ZFYVE28: variants seen among roughly 807,000 people sequenced by gnomAD.
ZFYVE28 encodes zinc finger FYVE-type containing 28.
ZFYVE28 carries 40 observed loss-of-function variants against 82.1 expected under a neutral mutation model. The ratio of observed to expected loss-of-function variants is 0.49; its 90% CI spans 0.38 to 0.63. The LOEUF is 0.63. Among genes scored for constraint, ZFYVE28 ranks in the 30% least tolerant of loss-of-function variants. The probability of loss-of-function intolerance (pLI) is 0.00; values close to 1 mark genes in which losing one functional copy is unlikely to be tolerated. For missense variants in ZFYVE28, 1,321 were observed against 1,242.1 expected, an observed-to-expected ratio of 1.06 and a Z score of -0.96; for synonymous variants, 612 against 546.1, an observed-to-expected ratio of 1.12 and a Z score of -1.68.
intron 1 of ZFYVE28, among the ~76,000 whole-genome samples, chr4:2,411,891 CACAGGCCATGGG>C (rs913009594): frequency 6.6e-6 from 1 of 152,210 alleles, no homozygotes; most frequent in African/African-American, 2.4e-5. Context: ...AAATGGGGGG[CACAGGCCATGGG>C]AGGACAGCAT....
Position 2,350,458 on chromosome 4 carries a change from C to T in ZFYVE28, c.180+3475G>A, listed in dbSNP as rs367851215. ...CAGCCTGGGCGACAGAGCGAGACTC[C>T]GTCTCAAAAAAAAAAAAAGAAAGAA... On this transcript the variant is annotated intron_variant, in intron 2 of 12. Transcript: ENST00000290974. 2.8e-4 allele frequency among the ~76,000 whole-genome samples: 42 copies of T among 150,254 alleles called. 1 individual carries two copies. The East Asian group carries it at 4.3e-3, about 15-fold the overall frequency.
In ZFYVE28 at chr4:2,284,227, T is replaced by C. The variant is rs189485662; in HGVS notation, c.2052-10011A>G. ...CAGCCTGCAAATGAGTGTTCAGAAA[T>C]GAGACCATTTCCCACCGTGATAAAG... On this transcript the variant is annotated intron_variant, in intron 8 of 12. Transcript: ENST00000290974. Among the ~76,000 whole-genome samples the C allele has an allele frequency of 3.2e-3, 487 of 152,130 alleles. 5 individuals are homozygous for C. Among genetic ancestry groups the C allele is most frequent in the African/African-American group, 0.011 (463 of 41,492 alleles).
At chr4:2,355,257 T>A (rs1725119554) in intron 1 of ZFYVE28, among the ~76,000 whole-genome samples, 1 of 41,376 alleles carries the variant, frequency 2.4e-5, no homozygotes, top group African/African-American at 8.6e-5. Flanking sequence ...TATATATATA[T>A]ATATATATAT....
chr4:2,319,711 C>G (rs1372359007), intron 7 of ZFYVE28, among the ~76,000 whole-genome samples: 1 of 151,664 alleles, frequency 6.6e-6, no homozygotes, highest in African/African-American at 2.4e-5. Context: ...AAGGGGGTCT[C>G]CCATGTGGAC....
intron 2 of ZFYVE28, among the ~76,000 whole-genome samples, chr4:2,346,656 G>A (rs1403863165): frequency 6.6e-6 from 1 of 152,116 alleles, no homozygotes; most frequent in East Asian, 1.9e-4. Context: ...TATACTCTAT[G>A]TGAAATTGTA....
At position 2,332,744 on chromosome 4, in the gene ZFYVE28, C is replaced by T. The variant is rs756840644; in HGVS notation, c.701+2961G>A. Among the ~76,000 whole-genome samples, 1 of 152,134 alleles carries T rather than the reference C, an allele frequency of 6.6e-6. No homozygotes were observed. The highest frequency in any genetic ancestry group is 1.5e-5 in the Non-Finnish European group (1 of 68,010). On this transcript the variant is annotated intron_variant, in intron 6 of 12. Coordinates refer to ENST00000290974, the MANE Select transcript of ZFYVE28 (RefSeq NM_020972.3). The surrounding 1 kb of genome is among the most constrained non-coding windows in gnomAD (Gnocchi z 4.7). ...CGCTGGTGGTGCAGGGCTGCAGGGCCCCAGTGAGCATCCCAGAGGGGCGGC... is the reference window on the plus strand; with the variant it reads ...CGCTGGTGGTGCAGGGCTGCAGGGCTCCAGTGAGCATCCCAGAGGGGCGGC...
intron 6 of ZFYVE28, among the ~76,000 whole-genome samples, chr4:2,321,809 C>A (rs1656953817): frequency 6.6e-6 from 1 of 152,128 alleles, no homozygotes; most frequent in South Asian, 2.1e-4. Flanking sequence ...CCAACGTCTG[C>A]CCCTCTGGAA....
chr4:2,318,283 C>G (rs991455664), intron 7 of ZFYVE28, among the ~76,000 whole-genome samples: 1 of 152,146 alleles, frequency 6.6e-6, no homozygotes, highest in African/African-American at 2.4e-5. Context: ...TTTGGCTGGT[C>G]GCAGTGGCTC....
Position 2,362,989 on chromosome 4 carries a change from T to A in ZFYVE28, c.40-8916A>T, listed in dbSNP as rs576835514. Among the ~76,000 whole-genome samples the A allele has an allele frequency of 3.2e-4, 48 of 149,474 alleles. 1 individual carries two copies. In the Middle Eastern group the frequency reaches 0.015, roughly 46 times the overall value. On this transcript the variant is annotated intron_variant, in intron 1 of 12. Coordinates refer to ENST00000290974, the MANE Select transcript of ZFYVE28 (RefSeq NM_020972.3). The surrounding 1 kb of genome is among the most constrained non-coding windows in gnomAD (Gnocchi z 5.1). ...CACGTGGCACCAAGCCCTGGGCTCA[T>A]CACCATCCCCGTGGTCCCCTCAACC...
At chr4:2,371,828 C>A (rs917679414) in intron 1 of ZFYVE28, among the ~76,000 whole-genome samples, 1 of 152,226 alleles carries the variant, frequency 6.6e-6, no homozygotes, top group Non-Finnish European at 1.5e-5. Context: ...CAGTCCTAAC[C>A]CAGCAAACAG....
intron 1 of ZFYVE28, among the ~76,000 whole-genome samples, chr4:2,412,046 C>G (rs921876952): frequency 7.2e-5 from 11 of 152,310 alleles, no homozygotes; most frequent in African/African-American, 2.6e-4. Flanking sequence ...GCATCTCCCC[C>G]CTGGGGCGCA....
At chr4:2,325,878 C>G (rs182054922) in intron 6 of ZFYVE28, among the ~76,000 whole-genome samples, 1 of 152,172 alleles carries the variant, frequency 6.6e-6, no homozygotes, top group East Asian at 1.9e-4. Flanking sequence ...CAGGTATGAG[C>G]CACCATGCCC....
intron 8 of ZFYVE28, among the ~76,000 whole-genome samples, chr4:2,284,886 C>G (rs538599212): frequency 6.6e-6 from 1 of 152,156 alleles, no homozygotes; most frequent in Non-Finnish European, 1.5e-5. Flanking sequence ...GAGTCTAGTA[C>G]GGCAAGGATT....
At chr4:2,402,075 G>A (rs1225377789) in intron 1 of ZFYVE28, among the ~76,000 whole-genome samples, 3 of 152,212 alleles carry the variant, frequency 2.0e-5, no homozygotes, top group Non-Finnish European at 4.4e-5. Context: ...GCTGTGGAGG[G>A]ACAGTGGTAG....
At chr4:2,312,159 C>G (rs1182781344) in intron 7 of ZFYVE28, among the ~76,000 whole-genome samples, 1 of 152,192 alleles carries the variant, frequency 6.6e-6, no homozygotes, top group Non-Finnish European at 1.5e-5. Context: ...ATCCTCCCAC[C>G]TCAGCCTCCC....
intron 1 of ZFYVE28, among the ~76,000 whole-genome samples, chr4:2,400,437 G>C (rs1578391864): frequency 2.6e-5 from 4 of 151,712 alleles, no homozygotes; most frequent in Admixed American, 6.6e-5. Flanking sequence ...CTGTCCCACC[G>C]CAATTCGACA....
chr4:2,271,408 G>C lies in ZFYVE28; in HGVS notation c.2435C>G (p.Pro812Arg), dbSNP rs775691742. The C allele has an allele frequency of 5.6e-6, 9 of 1,612,324 alleles. No individual in the cohort carries two copies. The highest frequency in any genetic ancestry group is 7.6e-6 in the Non-Finnish European group (9 of 1,179,562). The change falls in exon 12 of 13, where the codon CCG becomes CGG. Residue 812 changes from proline (P) to arginine (R), a missense_variant. By Grantham distance (103) the Pro-to-Arg change is moderately radical (BLOSUM62 -2). This residue lies in a region of ZFYVE28 where 978 missense variants were observed against 833.7 expected (regional missense o/e 1.17). Coordinates refer to ENST00000290974, the MANE Select transcript of ZFYVE28 (RefSeq NM_020972.3). ...ACAGGCCTCGTCTGGCACCCACTCC[G>C]GGGGGTCTGTCACAACAACAGCAGC... ...KTRDGDFEDP[P>R]EWVPDEACGF...
intron 1 of ZFYVE28, among the ~76,000 whole-genome samples, chr4:2,406,365 CTG>C (rs1467575295): frequency 7.2e-6 from 1 of 138,826 alleles, no homozygotes; most frequent in African/African-American, 2.5e-5. Context: ...GAACAAGACT[CTG>C]TCTCAAAAAA....
At position 2,341,230 on chromosome 4, in the gene ZFYVE28, A is replaced by T; in HGVS notation, c.318+248T>A. The T allele has an allele frequency of 5.2e-6, 3 of 581,586 alleles. No individual in the cohort carries two copies. In the South Asian group the frequency reaches 6.3e-5, roughly 12 times the overall value. 36.0% of individuals were successfully genotyped at this position (581,586 alleles called of 1,614,324 possible). A position where few individuals can be genotyped will look rare whatever the true frequency, so the allele number is the denominator to read the frequency against. ...GGCTGTCTGGGGGCCTGTGAACCTC[A>T]TAAAAACCACATGGGAAATTTCATT... On this transcript the variant is annotated intron_variant, in intron 3 of 12. Transcript: ENST00000290974. The surrounding 1 kb of genome is among the most constrained non-coding windows in gnomAD (Gnocchi z 4.5).
Sources: gnomAD v4.1 joint callset for allele counts (sites outside exome capture counted in the v4.1 genomes callset) on GRCh38, gnomAD v4.1.1 for gene constraint, gnomAD v4.1.1 regional missense constraint, Gnocchi (gnomAD v3.1) non-coding constraint, MANE v1.5 for transcripts, NCBI Gene and HGNC (gene_info 2026-07-23, HGNC 2026-07-21) for gene names.